PCSK2: variants seen among roughly 807,000 people sequenced by gnomAD.
PCSK2 encodes neuroendocrine convertase 2.
A neutral mutation model predicts 69.7 loss-of-function variants in PCSK2; 14 were observed. The ratio of observed to expected loss-of-function variants is 0.20; its 90% CI spans 0.13 to 0.31. PCSK2 has a LOEUF of 0.31. Ranked by LOEUF, PCSK2 falls within the 10% of genes least tolerant of loss-of-function variation. PCSK2 has a pLI of 1.00. For missense variants in PCSK2, 544 were observed against 842.5 expected, an observed-to-expected ratio of 0.65 and a Z score of 4.39; for synonymous variants, 307 against 320.7, an observed-to-expected ratio of 0.96 and a Z score of 0.46.
At chr20:17,303,491 AT>A (rs1324220585) in intron 2 of PCSK2, among the ~76,000 whole-genome samples, 5 of 55,280 alleles carry the variant, frequency 9.0e-5, no homozygotes, top group East Asian at 2.9e-4. Flanking sequence ...TATATATTAT[AT>A]TTAATATAAT....
intron 11 of PCSK2, among the ~76,000 whole-genome samples, chr20:17,476,129 C>T (rs1172772264): frequency 6.6e-6 from 1 of 152,204 alleles, no homozygotes; most frequent in East Asian, 1.9e-4. Flanking sequence ...ATTTCAGAGT[C>T]CTCCAGAGAG....
chr20:17,456,691 C>G (rs1459218677), intron 10 of PCSK2, among the ~76,000 whole-genome samples: 1 of 152,230 alleles, frequency 6.6e-6, no homozygotes, highest in Non-Finnish European at 1.5e-5. Flanking sequence ...CAACACCCAG[C>G]AGCACGTATT....
In PCSK2 at chr20:17,303,434, TATA is replaced by T. The variant is rs1183893277; in HGVS notation, c.282+43094_282+43096del. Among the ~76,000 whole-genome samples, 6 of 85,200 alleles carry T rather than the reference TATA, an allele frequency of 7.0e-5. 1 individual carries two copies. Among genetic ancestry groups the T allele is most frequent in the Admixed American group, 6.3e-4 (4 of 6,306 alleles). The allele number at this position is 85,200 out of a possible 152,430, so 55.9% of individuals were successfully genotyped here. On this transcript the variant is annotated intron_variant, in intron 2 of 11. Coordinates refer to ENST00000262545, the MANE Select transcript of PCSK2 (RefSeq NM_002594.5). ...TATGTATGGTTATATATTTTTAATA[TATA>T]ATATAATATATATTATATTAAATAT...
intron 2 of PCSK2, 116 bp from the exon 3 acceptor site, chr20:17,358,211 T>G (rs2030273440): frequency 3.1e-6 from 2 of 650,110 alleles, no homozygotes; most frequent in South Asian, 3.8e-5. Context: ...AACTTGCTTT[T>G]GCCAAAGAAA....
intron 3 of PCSK2, among the ~76,000 whole-genome samples, chr20:17,360,156 C>T (rs539697159): frequency 6.6e-6 from 1 of 152,266 alleles, no homozygotes; most frequent in Non-Finnish European, 1.5e-5. Context: ...AAATTCAAAA[C>T]ATGAGGTAGA....
chr20:17,425,983 G>A (rs550201950), intron 6 of PCSK2, among the ~76,000 whole-genome samples: 3 of 152,272 alleles, frequency 2.0e-5, no homozygotes, highest in African/African-American at 4.8e-5. Flanking sequence ...AGAATGACTG[G>A]TGACCATTTA....
chr20:17,420,259 G>A (rs1442534372), intron 6 of PCSK2, among the ~76,000 whole-genome samples: 2 of 152,154 alleles, frequency 1.3e-5, no homozygotes, highest in African/African-American at 4.8e-5. Flanking sequence ...CCTTACCCTG[G>A]TGATACTTAA....
chr20:17,301,745 A>T (rs1407415332), intron 2 of PCSK2, among the ~76,000 whole-genome samples: 2 of 152,162 alleles, frequency 1.3e-5, no homozygotes, highest in Non-Finnish European at 2.9e-5. Flanking sequence ...AGCCTGGCCA[A>T]CATGGTGAAA....
chr20:17,288,680 G>A (rs1988599224), intron 2 of PCSK2, among the ~76,000 whole-genome samples: 1 of 152,196 alleles, frequency 6.6e-6, no homozygotes, highest in Admixed American at 6.5e-5. Context: ...TTTGGACACA[G>A]ACACACAGAA....
chr20:17,388,807 C>T (rs568063790), intron 5 of PCSK2, among the ~76,000 whole-genome samples: 3 of 152,108 alleles, frequency 2.0e-5, no homozygotes, highest in Non-Finnish European at 2.9e-5. Flanking sequence ...ATTGGATGCT[C>T]GGATTTTTCG....
At chr20:17,325,752 A>C (rs749676308) in intron 2 of PCSK2, among the ~76,000 whole-genome samples, 2 of 152,228 alleles carry the variant, frequency 1.3e-5, no homozygotes, top group Non-Finnish European at 2.9e-5. Context: ...TATCCCAGGC[A>C]TGTTCTTCTC....
chr20:17,470,328 A>C (rs2033178529), intron 11 of PCSK2, among the ~76,000 whole-genome samples: 1 of 152,322 alleles, frequency 6.6e-6, no homozygotes, highest in South Asian at 2.1e-4. Context: ...TTTAAATTTA[A>C]ATAGCAACAT....
At chr20:17,397,141 C>G (rs1025025365) in intron 5 of PCSK2, among the ~76,000 whole-genome samples, 2 of 152,162 alleles carry the variant, frequency 1.3e-5, no homozygotes, top group Non-Finnish European at 2.9e-5. Flanking sequence ...TTTTATTTGT[C>G]TATATCATTT....
At chr20:17,405,460 GCTCTCAC>G (rs2031731553) in intron 5 of PCSK2, among the ~76,000 whole-genome samples, 1 of 152,208 alleles carries the variant, frequency 6.6e-6, no homozygotes, top group Admixed American at 6.5e-5. Flanking sequence ...GACTGCAGGA[GCTCTCAC>G]CTCTCTCATC....
chr20:17,310,511 T>C (rs1461826003), intron 2 of PCSK2, among the ~76,000 whole-genome samples: 1 of 152,126 alleles, frequency 6.6e-6, no homozygotes, highest in African/African-American at 2.4e-5. Context: ...ACCTCTGAGA[T>C]GCCAAAAATA....
chr20:17,358,867 A>G (rs982830152), intron 3 of PCSK2, among the ~76,000 whole-genome samples: 2 of 152,246 alleles, frequency 1.3e-5, no homozygotes, highest in Non-Finnish European at 2.9e-5. Flanking sequence ...GGGGCTAGCA[A>G]GAAAGCTTGG....
intron 6 of PCSK2, among the ~76,000 whole-genome samples, chr20:17,413,948 A>T (rs2123311565): frequency 6.6e-6 from 1 of 152,338 alleles, no homozygotes; most frequent in East Asian, 1.9e-4. Context: ...TACATAACGA[A>T]ATGAAGGCAG....
chr20:17,255,021 T>C (rs909853155), intron 1 of PCSK2, among the ~76,000 whole-genome samples: 2 of 152,230 alleles, frequency 1.3e-5, no homozygotes, highest in Non-Finnish European at 2.9e-5. Flanking sequence ...TAATCTTATA[T>C]TCTGCAACCT....
intron 5 of PCSK2, among the ~76,000 whole-genome samples, chr20:17,407,238 G>A (rs1000533162): frequency 1.3e-5 from 2 of 152,088 alleles, no homozygotes; most frequent in Non-Finnish European, 2.9e-5. Context: ...ACATCCCAGC[G>A]TGCCTCTTCC....
Sources: gnomAD v4.1 joint callset for allele counts (sites outside exome capture counted in the v4.1 genomes callset) on GRCh38, gnomAD v4.1.1 for gene constraint, MANE v1.5 for transcripts, NCBI Gene and HGNC (gene_info 2026-07-23, HGNC 2026-07-21) for gene names.